The following KCNJ15 variants were observed in gnomAD, a reference collection of about 807,000 sequenced individuals.
KCNJ15 encodes the protein ATP-sensitive inward rectifier potassium channel 15.
In KCNJ15, 14 loss-of-function variants were observed where a neutral mutation model predicts 23.0. That is an observed-to-expected ratio of 0.61 (90% CI 0.40 to 0.95). The LOEUF is 0.95. KCNJ15 is among the 40% of genes least tolerant of loss of function. KCNJ15 has a pLI of 0.00. For missense variants in KCNJ15, 388 were observed against 461.8 expected (o/e 0.84, Z 1.46); for synonymous variants, 185 against 183.2 (o/e 1.01, Z -0.08).
At chr21:38,279,558 G>A (rs923235147) in intron 1 of KCNJ15, among the ~76,000 whole-genome samples, 6 of 152,148 alleles carry the variant, frequency 3.9e-5, no homozygotes, top group African/African-American at 1.4e-4. Flanking sequence ...AGGAAGATAA[G>A]GAATGAAATG....
intron 1 of KCNJ15, among the ~76,000 whole-genome samples, chr21:38,262,984 G>A (rs1332588100): frequency 1.3e-5 from 2 of 152,106 alleles, no homozygotes; most frequent in African/African-American, 4.8e-5. Flanking sequence ...GGCCGACATT[G>A]ATATCTTAAC....
intron 1 of KCNJ15, among the ~76,000 whole-genome samples, chr21:38,267,101 C>G (rs1053726528): frequency 3.3e-5 from 5 of 152,074 alleles, no homozygotes; most frequent in Admixed American, 3.3e-4. Flanking sequence ...GGAGAGACAC[C>G]GGTGCAAGGG....
chr21:38,250,143 C>T (rs1187762376), intron 1 of KCNJ15, among the ~76,000 whole-genome samples: 1 of 152,168 alleles, frequency 6.6e-6, no homozygotes, highest in East Asian at 1.9e-4. Context: ...GGCAAAAGGG[C>T]ACAATTTTGC....
intron 1 of KCNJ15, among the ~76,000 whole-genome samples, chr21:38,247,171 T>G (rs986352790): frequency 1.7e-4 from 25 of 150,176 alleles, no homozygotes; most frequent in Non-Finnish European, 2.7e-4. Context: ...TATAGGTATA[T>G]GGATGGATGG....
intron 1 of KCNJ15, among the ~76,000 whole-genome samples, chr21:38,241,965 T>C (rs1979030357): frequency 8.4e-6 from 1 of 118,576 alleles, no homozygotes; most frequent in South Asian, 2.6e-4. Flanking sequence ...CAAGACTCCA[T>C]CTAAAAAAAA....
intron 1 of KCNJ15, among the ~76,000 whole-genome samples, chr21:38,241,453 C>T (rs895955191): frequency 8.5e-5 from 13 of 152,152 alleles, no homozygotes; most frequent in African/African-American, 2.2e-4. Flanking sequence ...AGTCTGCCGG[C>T]GAATGGCAGA....
At chr21:38,259,063 A>G (rs925465178) in intron 1 of KCNJ15, among the ~76,000 whole-genome samples, 3 of 152,108 alleles carry the variant, frequency 2.0e-5, no homozygotes, top group Admixed American at 1.3e-4. Flanking sequence ...CCTGAATAAC[A>G]ATGACATACT....
intron 1 of KCNJ15, among the ~76,000 whole-genome samples, chr21:38,288,292 C>T (rs961083233): frequency 5.9e-5 from 9 of 151,898 alleles, no homozygotes; most frequent in Middle Eastern, 6.8e-3. Context: ...CCGCCTGCCT[C>T]GGCGTCCCAA....
At chr21:38,297,223 ACT>A (rs1985251303) in intron 2 of KCNJ15, among the ~76,000 whole-genome samples, 200 bp downstream of exon 2, 1 of 152,014 alleles carries the variant, frequency 6.6e-6, no homozygotes, top group East Asian at 1.9e-4. Flanking sequence ...GATGCCATTA[ACT>A]CCAGCACTAT....
rs1458354540 is a variant in KCNJ15 at position 38,299,039 on chromosome 21, T to C, written c.-18-205T>C. 2.0e-5 allele frequency among the ~76,000 whole-genome samples: 3 copies of C among 152,204 alleles called. No individual in the cohort carries two copies. The highest frequency in any genetic ancestry group is 7.2e-5 in the African/African-American group (3 of 41,454). ...GCTGATGAATTGCAGAGTCAGCATTTAACCCCGGTCTGCTTTTCTGCAAAG... is the reference window on the plus strand; with the variant it reads ...GCTGATGAATTGCAGAGTCAGCATTCAACCCCGGTCTGCTTTTCTGCAAAG... On this transcript the variant is annotated intron_variant, in intron 2 of 2. Coordinates refer to ENST00000398938, the MANE Select transcript of KCNJ15 (RefSeq NM_170736.3). The surrounding 1 kb of genome is among the most constrained non-coding windows in gnomAD (Gnocchi z 4.5).
At position 38,300,112 on chromosome 21, in the gene KCNJ15, A is replaced by G; in HGVS notation, c.851A>G (p.Asn284Ser). Residue 284 changes from asparagine to serine, a missense_variant, in exon 3 of 3, where the codon AAT becomes AGT. Physicochemically the swap from Asn to Ser is conservative, Grantham distance 46. Coordinates refer to ENST00000398938, the MANE Select transcript of KCNJ15 (RefSeq NM_170736.3). Reference sequence around the variant, plus strand: ...GAGTTTGAGCTTGTGGTCCTCCTCAATGCCACTGTGGAATCCACCAGCGCT... The same window carrying G: ...GAGTTTGAGCTTGTGGTCCTCCTCAGTGCCACTGTGGAATCCACCAGCGCT... Reference protein sequence around the residue: ...EKEFELVVLLNATVESTSAVC... With the variant: ...EKEFELVVLLSATVESTSAVC... 2 of 1,614,178 alleles carry G rather than the reference A, an allele frequency of 1.2e-6. No individual in the cohort carries two copies. Among genetic ancestry groups the G allele is most frequent in the Non-Finnish European group, 8.5e-7 (1 of 1,180,028 alleles).
rs1985552193 is a variant in KCNJ15, at chr21:38,299,669, A to C, written c.408A>C (p.Thr136=). ...TTIGYGVRSI[T]EECPHAIFLL... is the part of the protein sequence containing the mutation. ...TTGGCTATGGAGTCCGTTCCATCAC[A>C]GAGGAATGTCCTCATGCCATCTTCC... Residue 136 remains threonine (T), a synonymous_variant, in exon 3 of 3, where the codon ACA becomes ACC. Coordinates refer to ENST00000398938, the MANE Select transcript of KCNJ15 (RefSeq NM_170736.3). This position sits in a 1 kb window ranked among gnomAD's most constrained non-coding sequence, Gnocchi z 4.5. The C allele has an allele frequency of 6.2e-7, 1 of 1,614,158 alleles. No homozygotes were observed. Among genetic ancestry groups the C allele is most frequent in the Non-Finnish European group, 8.5e-7 (1 of 1,180,030 alleles).
At chr21:38,277,266 C>G (rs1261944092) in intron 1 of KCNJ15, among the ~76,000 whole-genome samples, 1 of 152,144 alleles carries the variant, frequency 6.6e-6, no homozygotes, top group Non-Finnish European at 1.5e-5. Context: ...GAGCACTTGA[C>G]TTTGCCATGA....
intron 1 of KCNJ15, chr21:38,291,887 T>G (rs894273395): frequency 6.6e-6 from 1 of 152,250 alleles, no homozygotes; most frequent in Non-Finnish European, 1.5e-5. Flanking sequence ...TTCCTTTGTC[T>G]GAAATATGGG....
chr21:38,294,716 A>C (rs1415703088), intron 1 of KCNJ15, among the ~76,000 whole-genome samples: 1 of 151,994 alleles, frequency 6.6e-6, no homozygotes, highest in African/African-American at 2.4e-5. Flanking sequence ...GTAGTTCTCC[A>C]TATAGCTAAG....
chr21:38,299,356 A>G lies in KCNJ15; in HGVS notation c.95A>G (p.Lys32Arg). ...LKANRPRVMS[K>R]SGHSNVRIDK... is the part of the protein sequence containing the mutation. The stretch of plus-strand genomic sequence containing the variant: ...GCCAACAGACCCCGCGTCATGTCCA[A>G]GAGTGGGCACAGCAACGTGAGAATT... Residue 32 changes from lysine to arginine, a missense_variant, in exon 3 of 3, where the codon AAG becomes AGG. Coordinates refer to ENST00000398938, the MANE Select transcript of KCNJ15 (RefSeq NM_170736.3). This position sits in a 1 kb window ranked among gnomAD's most constrained non-coding sequence, Gnocchi z 4.5. 6.2e-7 allele frequency: 1 copy of G among 1,614,218 alleles called. No homozygotes were observed. Among genetic ancestry groups the G allele is most frequent in the Non-Finnish European group, 8.5e-7 (1 of 1,180,028 alleles).
At chr21:38,258,538 C>T (rs1980526409) in intron 1 of KCNJ15, among the ~76,000 whole-genome samples, 1 of 152,134 alleles carries the variant, frequency 6.6e-6, no homozygotes, top group South Asian at 2.1e-4. Flanking sequence ...GCAAGTCTTC[C>T]CAAAATACTG....
chr21:38,239,441 C>A (rs1978841521), intron 1 of KCNJ15, among the ~76,000 whole-genome samples: 1 of 152,188 alleles, frequency 6.6e-6, no homozygotes, highest in South Asian at 2.1e-4. Flanking sequence ...ATGCGTTCTG[C>A]GAAGCCTCTT....
At chr21:38,248,229 C>T (rs1431118578) in intron 1 of KCNJ15, among the ~76,000 whole-genome samples, 1 of 152,154 alleles carries the variant, frequency 6.6e-6, no homozygotes, top group Non-Finnish European at 1.5e-5. Context: ...GGTAACTGAG[C>T]AGCGACAAAT....
Sources: gnomAD v4.1 joint callset for allele counts (sites outside exome capture counted in the v4.1 genomes callset) on GRCh38, gnomAD v4.1.1 for gene constraint, Gnocchi (gnomAD v3.1) non-coding constraint, MANE v1.5 for transcripts, NCBI Gene and HGNC (gene_info 2026-07-23, HGNC 2026-07-21) for gene names.